Variants in TMEM132D observed in about 807,000 individuals in gnomAD.
TMEM132D encodes mature OL transmembrane protein.
In TMEM132D, 21 loss-of-function variants were observed where a neutral mutation model predicts 62.3. That is an observed-to-expected ratio of 0.34 (90% CI 0.24 to 0.49). TMEM132D has a LOEUF of 0.49. Ranked by LOEUF, TMEM132D falls within the 20% of genes least tolerant of loss-of-function variation. TMEM132D has a pLI of 0.99. For missense variants in TMEM132D, 1,346 were observed against 1,402.8 expected (o/e 0.96, Z 0.65); for synonymous variants, 621 against 575.6 (o/e 1.08, Z -1.13).
chr12:129,676,486 G>A (rs1880633827), intron 2 of TMEM132D, among the ~76,000 whole-genome samples: 1 of 152,166 alleles, frequency 6.6e-6, no homozygotes, highest in Non-Finnish European at 1.5e-5. Flanking sequence ...TGCAGGCTGT[G>A]CAGACATGGT....
At chr12:129,483,634 AAC>A (rs1419200301) in intron 3 of TMEM132D, among the ~76,000 whole-genome samples, 1 of 152,250 alleles carries the variant, frequency 6.6e-6, no homozygotes, top group Non-Finnish European at 1.5e-5. Context: ...ATTTTGAGTG[AAC>A]ACAAACGCTG....
intron 3 of TMEM132D, among the ~76,000 whole-genome samples, chr12:129,518,881 C>T (rs1875761396): frequency 6.6e-6 from 1 of 152,020 alleles, no homozygotes; most frequent in African/African-American, 2.4e-5. Flanking sequence ...TAAGATAAAT[C>T]CTAAAATGTA....
intron 3 of TMEM132D, among the ~76,000 whole-genome samples, chr12:129,350,277 G>A (rs1869822173): frequency 1.3e-5 from 2 of 152,150 alleles, no homozygotes; most frequent in South Asian, 4.1e-4. Flanking sequence ...AACCCAGCAG[G>A]GAAGTTGGAT....
At chr12:129,553,357 C>T (rs573427817) in intron 2 of TMEM132D, among the ~76,000 whole-genome samples, 3 of 152,274 alleles carry the variant, frequency 2.0e-5, no homozygotes, top group South Asian at 4.1e-4. Flanking sequence ...CTGCTCTGTG[C>T]GTGTCTGTGC....
At chr12:129,264,291 A>G (rs1880628580) in intron 4 of TMEM132D, among the ~76,000 whole-genome samples, 1 of 152,180 alleles carries the variant, frequency 6.6e-6, no homozygotes, top group African/African-American at 2.4e-5. Flanking sequence ...TGGGAGGCTG[A>G]TGCGGGAGGA....
chr12:129,496,025 C>T (rs1874944601), intron 3 of TMEM132D, among the ~76,000 whole-genome samples: 2 of 152,160 alleles, frequency 1.3e-5, no homozygotes, highest in African/African-American at 4.8e-5. Flanking sequence ...GAACCTCGCA[C>T]CCTTTTTTGT....
chr12:129,282,318 G>A (rs940162966), intron 4 of TMEM132D, among the ~76,000 whole-genome samples: 5 of 152,116 alleles, frequency 3.3e-5, no homozygotes, highest in Admixed American at 1.3e-4. Flanking sequence ...GGCAGAGCCC[G>A]GTTGCTGACA....
chr12:129,837,584 G>T (rs1446638037), intron 1 of TMEM132D, among the ~76,000 whole-genome samples: 2 of 152,168 alleles, frequency 1.3e-5, no homozygotes, highest in African/African-American at 2.4e-5. Context: ...GAAAACCAAG[G>T]AGAAGTAATT....
chr12:129,245,206 C>G (rs1880063399), intron 4 of TMEM132D, among the ~76,000 whole-genome samples: 1 of 152,118 alleles, frequency 6.6e-6, no homozygotes, highest in Non-Finnish European at 1.5e-5. Flanking sequence ...TGTGTTCCAC[C>G]TATCCAACCC....
chr12:129,864,357 C>T (rs1873993139), intron 1 of TMEM132D, among the ~76,000 whole-genome samples: 1 of 152,208 alleles, frequency 6.6e-6, no homozygotes, highest in Non-Finnish European at 1.5e-5. Context: ...CTGAATTTCT[C>T]TCCTATAGAA....
chr12:129,674,547 GT>G (rs1440566567), intron 2 of TMEM132D, among the ~76,000 whole-genome samples: 1 of 152,028 alleles, frequency 6.6e-6, no homozygotes, highest in Non-Finnish European at 1.5e-5. Context: ...TTTTCTGTTT[GT>G]TTGTTTTTGA....
intron 1 of TMEM132D, among the ~76,000 whole-genome samples, chr12:129,727,930 C>T (rs957905632): frequency 6.6e-6 from 1 of 152,202 alleles, no homozygotes; most frequent in African/African-American, 2.4e-5. Context: ...ATACAATCTC[C>T]CTACCCTCCC....
chr12:129,291,771 A>T (rs1881455682), intron 4 of TMEM132D, among the ~76,000 whole-genome samples: 1 of 152,078 alleles, frequency 6.6e-6, no homozygotes, highest in African/African-American at 2.4e-5. Context: ...TCTAGGGGAA[A>T]AGGGGTTGGA....
At chr12:129,379,039 G>T (rs1870862192) in intron 3 of TMEM132D, among the ~76,000 whole-genome samples, 1 of 152,094 alleles carries the variant, frequency 6.6e-6, no homozygotes, top group African/African-American at 2.4e-5. Context: ...TAACTTTAAT[G>T]AACCTGATTA....
chr12:129,169,911 GTT>G (rs1877673498), intron 5 of TMEM132D, among the ~76,000 whole-genome samples: 1 of 152,266 alleles, frequency 6.6e-6, no homozygotes, highest in Middle Eastern at 3.4e-3. Context: ...TGCAATCCCA[GTT>G]TTGATATGTT....
chr12:129,300,697 T>C (rs1881691707), intron 4 of TMEM132D, among the ~76,000 whole-genome samples: 1 of 152,228 alleles, frequency 6.6e-6, no homozygotes, highest in Admixed American at 6.5e-5. Context: ...TCTAAAGACT[T>C]GCTTTGGACA....
chr12:129,142,041 G>A (rs1876757555), intron 5 of TMEM132D, among the ~76,000 whole-genome samples: 1 of 149,396 alleles, frequency 6.7e-6, no homozygotes, highest in Non-Finnish European at 1.5e-5. Flanking sequence ...AAAATAGACT[G>A]ATATTGGCCT....
intron 4 of TMEM132D, among the ~76,000 whole-genome samples, chr12:129,251,273 C>A (rs561492724): frequency 1.4e-5 from 2 of 141,810 alleles, no homozygotes; most frequent in South Asian, 2.3e-4. Context: ...GCAGGAGAAT[C>A]ACTTGAATCC....
At chr12:129,129,198 G>A (rs1876299985) in intron 5 of TMEM132D, among the ~76,000 whole-genome samples, 1 of 151,698 alleles carries the variant, frequency 6.6e-6, no homozygotes, top group Admixed American at 6.6e-5. Flanking sequence ...AATTCCATGA[G>A]TACCCAATGT....
Sources: gnomAD v4.1 joint callset for allele counts (sites outside exome capture counted in the v4.1 genomes callset) on GRCh38, gnomAD v4.1.1 for gene constraint, MANE v1.5 for transcripts, NCBI Gene and HGNC (gene_info 2026-07-23, HGNC 2026-07-21) for gene names.